The following SLC4A10 variants were observed in gnomAD, a reference collection of about 807,000 sequenced individuals.
SLC4A10 encodes solute carrier family 4 member 10, also known as sodium-driven chloride bicarbonate exchanger.
Under a neutral mutation model 137.7 loss-of-function variants are expected in SLC4A10, and 42 were observed. The observed-to-expected ratio is 0.30, with a 90% CI of 0.24 to 0.39. The LOEUF (loss-of-function observed/expected upper bound fraction) is 0.39. Among genes scored for constraint, SLC4A10 ranks in the 10% least tolerant of loss-of-function variants. The pLI is 1.00. For missense variants in SLC4A10, 925 were observed against 1,355.0 expected (o/e 0.68, Z 4.98); for synonymous variants, 474 against 464.1 (o/e 1.02, Z -0.27).
At chr2:161,894,179 A>G (rs976944900) in intron 10 of SLC4A10, among the ~76,000 whole-genome samples, 1 of 152,106 alleles carries the variant, frequency 6.6e-6, no homozygotes, top group African/African-American at 2.4e-5. Flanking sequence ...CCAATCCCTC[A>G]AAGATACTGA....
chr2:161,815,578 A>T (rs2125659224), intron 3 of SLC4A10, among the ~76,000 whole-genome samples: 1 of 152,194 alleles, frequency 6.6e-6, no homozygotes, highest in South Asian at 2.1e-4. Context: ...AAATTTGACG[A>T]CAAGCGATGC....
At chr2:161,911,455 C>T (rs1685832630) in intron 15 of SLC4A10, among the ~76,000 whole-genome samples, 3 of 151,868 alleles carry the variant, frequency 2.0e-5, no homozygotes, top group African/African-American at 4.8e-5. Context: ...CAAGATGAAA[C>T]AGAGTAATCA....
chr2:161,746,644 CAGA>C (rs1221597005), intron 1 of SLC4A10, among the ~76,000 whole-genome samples: 2 of 152,120 alleles, frequency 1.3e-5, no homozygotes, highest in Non-Finnish European at 2.9e-5. Flanking sequence ...CTTTCCTCAG[CAGA>C]AGAAGTATCT....
In SLC4A10 at chr2:161,764,904, A is replaced by G. The variant is rs1007190173; in HGVS notation, c.49-6069A>G. ...GCACAACTGACACTTCTAAAATGGG[A>G]AAATGTTAACTTGAAAAGTAATGAA... is the stretch of plus-strand genomic sequence containing the variant. On this transcript the variant is annotated intron_variant, in intron 1 of 26. Coordinates refer to ENST00000446997, the MANE Select transcript of SLC4A10 (RefSeq NM_001178015.2). Among the ~76,000 whole-genome samples the G allele has an allele frequency of 9.2e-5, 14 of 152,248 alleles. 1 individual carries two copies. In the South Asian group the frequency reaches 2.9e-3, roughly 32 times the overall value.
chr2:161,981,995 A>G (rs1307334711), intron 26 of SLC4A10, among the ~76,000 whole-genome samples: 1 of 152,200 alleles, frequency 6.6e-6, no homozygotes, highest in East Asian at 1.9e-4. Context: ...TTTAAAAAAC[A>G]CACTCTTAGA....
intron 15 of SLC4A10, among the ~76,000 whole-genome samples, chr2:161,926,983 C>T (rs1271528860): frequency 1.3e-5 from 2 of 151,916 alleles, no homozygotes; most frequent in Non-Finnish European, 2.9e-5. Context: ...TCTCTGGCTG[C>T]CCTTAACATT....
chr2:161,872,902 C>G (rs183517664), intron 7 of SLC4A10, among the ~76,000 whole-genome samples: 1 of 151,972 alleles, frequency 6.6e-6, no homozygotes, highest in East Asian at 1.9e-4. Flanking sequence ...TTAGTAGAGA[C>G]GGGGTTTCAC....
intron 1 of SLC4A10, among the ~76,000 whole-genome samples, chr2:161,752,458 A>C (rs2125311932): frequency 6.6e-6 from 1 of 152,120 alleles, no homozygotes; most frequent in South Asian, 2.1e-4. Flanking sequence ...CCTCTGTTTA[A>C]AGAATTTCTC....
intron 18 of SLC4A10, among the ~76,000 whole-genome samples, chr2:161,950,256 G>T (rs1190511633): frequency 1.3e-5 from 2 of 152,054 alleles, no homozygotes; most frequent in African/African-American, 2.4e-5. Flanking sequence ...TAGCACAGTG[G>T]TCAATGTGTC....
chr2:161,773,461 A>G (rs546488898), intron 2 of SLC4A10, among the ~76,000 whole-genome samples: 25 of 151,946 alleles, frequency 1.6e-4, no homozygotes, highest in Non-Finnish European at 3.1e-4. Flanking sequence ...GGCAGCTAAT[A>G]CACAATAAAT....
chr2:161,671,219 A>G (rs540078557), intron 1 of SLC4A10, among the ~76,000 whole-genome samples: 5 of 151,988 alleles, frequency 3.3e-5, no homozygotes, highest in African/African-American at 1.2e-4. Context: ...CTCCCTTCCA[A>G]CTCTTCCACC....
At chr2:161,632,414 G>T (rs547914038) in intron 1 of SLC4A10, among the ~76,000 whole-genome samples, 1 of 151,074 alleles carries the variant, frequency 6.6e-6, no homozygotes, top group African/African-American at 2.4e-5. Context: ...AAAATGAAAA[G>T]AAAAAAACCC....
intron 4 of SLC4A10, among the ~76,000 whole-genome samples, chr2:161,847,416 A>G (rs1396000556): frequency 6.6e-6 from 1 of 151,492 alleles, no homozygotes. Context: ...ATTGTGTGTT[A>G]CAGGTTTGGT....
At chr2:161,709,440 T>G (rs1291945146) in intron 1 of SLC4A10, among the ~76,000 whole-genome samples, 1 of 151,590 alleles carries the variant, frequency 6.6e-6, no homozygotes, top group Non-Finnish European at 1.5e-5. Context: ...GTTTTAATCA[T>G]TTCTCAGATC....
intron 1 of SLC4A10, among the ~76,000 whole-genome samples, chr2:161,653,430 C>CT (rs2105609979): frequency 6.6e-6 from 1 of 152,296 alleles, no homozygotes; most frequent in South Asian, 2.1e-4. Context: ...ACCACACTGT[C>CT]TTCCACAATG....
intron 1 of SLC4A10, among the ~76,000 whole-genome samples, 177 bp downstream of exon 1, chr2:161,624,743 C>T (rs1034641045): frequency 4.6e-5 from 7 of 151,826 alleles, no homozygotes; most frequent in Non-Finnish European, 8.8e-5. Context: ...GCAAAGCACA[C>T]GATTCTCCTC....
chr2:161,760,103 T>A (rs574489035), intron 1 of SLC4A10, among the ~76,000 whole-genome samples: 8 of 152,140 alleles, frequency 5.3e-5, no homozygotes, highest in African/African-American at 1.9e-4. Flanking sequence ...AATCTGAGGA[T>A]TCATGTCCTC....
intron 6 of SLC4A10, 48 bp downstream of exon 6, chr2:161,863,110 C>T: frequency 4.1e-6 from 6 of 1,476,790 alleles, no homozygotes; most frequent in Non-Finnish European, 5.5e-6. Flanking sequence ...AGGTCTCTGA[C>T]ATATCAAAGC....
intron 1 of SLC4A10, among the ~76,000 whole-genome samples, chr2:161,681,523 G>T (rs1427873658): frequency 6.6e-6 from 1 of 151,934 alleles, no homozygotes; most frequent in East Asian, 1.9e-4. Flanking sequence ...CCAAAACATG[G>T]ATAACTTTTC....
Sources: gnomAD v4.1 joint callset for allele counts (sites outside exome capture counted in the v4.1 genomes callset) on GRCh38, gnomAD v4.1.1 for gene constraint, MANE v1.5 for transcripts, NCBI Gene and HGNC (gene_info 2026-07-23, HGNC 2026-07-21) for gene names.